Variants in MMP20 observed in about 807,000 individuals in gnomAD.
The protein encoded by MMP20 is matrix metallopeptidase 20.
In MMP20, 50 loss-of-function variants were observed where a neutral mutation model predicts 51.8. The ratio of observed to expected loss-of-function variants is 0.97; its 90% CI spans 0.77 to 1.22. The LOEUF (loss-of-function observed/expected upper bound fraction) is 1.22. Among genes scored for constraint, MMP20 ranks in the 50% most tolerant of loss-of-function variants. The pLI, the probability that MMP20 is intolerant of heterozygous loss-of-function variation, is 0.00. For missense variants in MMP20, 663 were observed against 601.4 expected (o/e 1.10, Z -1.07); for synonymous variants, 244 against 216.2 (o/e 1.13, Z -1.13).
chr11:102,594,428 C>T lies in MMP20; in HGVS notation c.1090+193G>A, dbSNP rs138735542. On this transcript the variant is annotated intron_variant, in intron 7 of 9. Coordinates refer to ENST00000260228, the MANE Select transcript of MMP20 (RefSeq NM_004771.4). ...CTAACAGGCTTGGTTCTCAGGGCCACTGCCATCATTTCCATTGTTACACAA... is the reference window on the plus strand; with the variant it reads ...CTAACAGGCTTGGTTCTCAGGGCCATTGCCATCATTTCCATTGTTACACAA... Among the ~76,000 whole-genome samples the T allele has an allele frequency of 4.5e-4, 69 of 152,348 alleles. 1 individual carries two copies. The highest frequency in any genetic ancestry group is 1.5e-3 in the African/African-American group (63 of 41,588).
intron 6 of MMP20, among the ~76,000 whole-genome samples, chr11:102,598,234 G>A (rs1257140457): frequency 6.6e-6 from 1 of 152,074 alleles, no homozygotes; most frequent in Non-Finnish European, 1.5e-5. Context: ...AACAATGATA[G>A]CAAGTAACTT....
intron 6 of MMP20, among the ~76,000 whole-genome samples, chr11:102,604,614 T>A (rs1859491149): frequency 6.6e-6 from 1 of 152,138 alleles, no homozygotes; most frequent in African/African-American, 2.4e-5. Context: ...AAAGCCTGGG[T>A]TCCTGGGCTC....
intron 8 of MMP20, among the ~76,000 whole-genome samples, chr11:102,590,155 C>T (rs1373154487): frequency 6.6e-6 from 1 of 152,132 alleles, no homozygotes; most frequent in Non-Finnish European, 1.5e-5. Context: ...GTAGCCACTG[C>T]TCTGCTACTG....
At chr11:102,608,832 T>G in intron 5 of MMP20, 105 bp downstream of exon 5, 2 of 1,223,068 alleles carry the variant, frequency 1.6e-6, no homozygotes, top group Non-Finnish European at 2.4e-6. Flanking sequence ...GGTTATGGTT[T>G]CTAGATTGAT....
intron 6 of MMP20, among the ~76,000 whole-genome samples, chr11:102,600,433 C>G (rs1394422386): frequency 6.6e-6 from 1 of 152,194 alleles, no homozygotes; most frequent in South Asian, 2.1e-4. Flanking sequence ...ACAAGCTTCT[C>G]AAATGAATGA....
intron 1 of MMP20, among the ~76,000 whole-genome samples, chr11:102,624,363 A>G (rs1365155789): frequency 8.0e-6 from 1 of 125,482 alleles, no homozygotes; most frequent in Non-Finnish European, 1.7e-5. Context: ...TAGGTTAAGG[A>G]TGCCACCCTT....
At chr11:102,622,365 C>A (rs1565401953) in intron 1 of MMP20, among the ~76,000 whole-genome samples, 1 of 152,144 alleles carries the variant, frequency 6.6e-6, no homozygotes, top group Non-Finnish European at 1.5e-5. Flanking sequence ...CCTCACCTGT[C>A]CTTGGGACTC....
rs1859641838 is a variant in MMP20, at chr11:102,614,476, T to C, written c.374+2336A>G. Among the ~76,000 whole-genome samples the C allele has an allele frequency of 1.3e-5, 2 of 152,242 alleles. 1 individual carries two copies. The highest frequency in any genetic ancestry group is 4.1e-4 in the South Asian group (2 of 4,836). On this transcript the variant is annotated intron_variant, in intron 2 of 9. Transcript: ENST00000260228. ...ATCACATTATCTTGACCCAGGCTTC[T>C]TGTCTTTGTTGTACATAGTCATGGA...
chr11:102,611,017 C>T (rs1291078341), intron 3 of MMP20, among the ~76,000 whole-genome samples: 1 of 152,198 alleles, frequency 6.6e-6, no homozygotes, highest in African/African-American at 2.4e-5. Flanking sequence ...CCTTTCTCTT[C>T]TGGGAGGAAT....
intron 8 of MMP20, among the ~76,000 whole-genome samples, chr11:102,581,177 CCACACACA>C (rs36075826): frequency 1.1e-4 from 17 of 149,282 alleles, no homozygotes; most frequent in African/African-American, 2.9e-4. Context: ...CACGCACACA[CCACACACA>C]CACACACACA....
Position 102,625,302 on chromosome 11 carries a change from T to C in MMP20, c.18A>G (p.Ala6=). Residue 6 remains alanine (A), a synonymous_variant, in exon 1 of 10, where the codon GCA becomes GCG. Transcript: ENST00000260228. MKVLP[A]SGLAVFLIMA... is the part of the protein sequence containing the mutation. ...TGATGAGGAAGACAGCAAGGCCAGA[T>C]GCAGGGAGCACCTTCATCCCCTCAC... 1.2e-6 allele frequency: 2 copies of C among 1,613,602 alleles called. No individual in the cohort carries two copies. Among genetic ancestry groups the C allele is most frequent in the Non-Finnish European group, 1.7e-6 (2 of 1,179,722 alleles).
Position 102,602,868 on chromosome 11 carries a change from G to T in MMP20, c.953+3667C>A, listed in dbSNP as rs534078368. Among the ~76,000 whole-genome samples the T allele has an allele frequency of 1.6e-4, 25 of 152,228 alleles. No homozygotes were observed. In the East Asian group the frequency reaches 4.2e-3, roughly 26 times the overall value. ...ATATGATAGATGCAAATATAATTTT[G>T]GTGTGGCTACAATTCCAGTCATTTC... On this transcript the variant is annotated intron_variant, in intron 6 of 9. Transcript: ENST00000260228.
chr11:102,598,160 TACTC>T (rs1156260277), intron 6 of MMP20, among the ~76,000 whole-genome samples: 1 of 152,194 alleles, frequency 6.6e-6, no homozygotes, highest in African/African-American at 2.4e-5. Context: ...AACAGTAACA[TACTC>T]AGACAATTTG....
At chr11:102,606,506 T>C in intron 6 of MMP20, 29 bp downstream of exon 6, 1 of 1,610,066 alleles carries the variant, frequency 6.2e-7, no homozygotes, top group Non-Finnish European at 8.5e-7. Context: ...TGAGGCCCAA[T>C]GAGAGTCGGT....
rs550397224 is a variant in MMP20 at position 102,589,802 on chromosome 11, A to T, written c.1247+3637T>A. ...TTAGTCATAAGTTTTTTAAAATTTA[A>T]AACATGAAAAAACAAGATTTTTGAA... is the stretch of plus-strand genomic sequence containing the variant. On this transcript the variant is annotated intron_variant, in intron 8 of 9. Transcript: ENST00000260228. Among the ~76,000 whole-genome samples, 896 of 152,324 alleles carry T rather than the reference A, an allele frequency of 5.9e-3. 6 individuals carry two copies. The highest frequency in any genetic ancestry group is 8.1e-3 in the Non-Finnish European group (550 of 68,014).
At chr11:102,589,293 C>T (rs1238749229) in intron 8 of MMP20, among the ~76,000 whole-genome samples, 1 of 152,208 alleles carries the variant, frequency 6.6e-6, no homozygotes, top group Non-Finnish European at 1.5e-5. Context: ...ACACAACTCT[C>T]AAAGTGGAGC....
chr11:102,597,611 C>T (rs555514207), intron 6 of MMP20, among the ~76,000 whole-genome samples: 1 of 152,202 alleles, frequency 6.6e-6, no homozygotes, highest in East Asian at 1.9e-4. Flanking sequence ...AAAGACAGCT[C>T]AACACAACTA....
intron 7 of MMP20, 144 bp downstream of exon 7, chr11:102,594,477 T>G (rs1485615636): frequency 2.0e-6 from 2 of 997,080 alleles, no homozygotes; most frequent in Admixed American, 2.0e-5. Context: ...AAATGTAGGG[T>G]GGCATTTCAT....
At position 102,625,331 on chromosome 11, in the gene MMP20, A is replaced by G; in HGVS notation, c.-12T>C. ...GGGAGCACCTTCATCCCCTCACAGT[A>G]GCTTGGTAATTATATCAGCCTGGGG... On this transcript the variant is annotated 5_prime_UTR_variant, in exon 1 of 10. Coordinates refer to ENST00000260228, the MANE Select transcript of MMP20 (RefSeq NM_004771.4). The G allele has an allele frequency of 6.2e-7, 1 of 1,612,654 alleles. No homozygotes were observed. The highest frequency in any genetic ancestry group is 8.5e-7 in the Non-Finnish European group (1 of 1,179,206).
Sources: allele counts gnomAD v4.1 joint callset (sites outside exome capture counted in the v4.1 genomes callset), GRCh38; gene constraint gnomAD v4.1.1; transcripts MANE v1.5; gene names NCBI Gene and HGNC (gene_info 2026-07-23, HGNC 2026-07-21).